The following AK7 variants were observed in gnomAD, a reference collection of about 807,000 sequenced individuals.
The protein encoded by AK7 is ATP-AMP transphosphorylase 7.
In AK7, 78 loss-of-function variants were observed where a neutral mutation model predicts 96.6. That is an observed-to-expected ratio of 0.81 (90% CI 0.67 to 0.97). The LOEUF is 0.97. AK7 is among the 50% of genes least tolerant of loss of function. The pLI is 0.00. For synonymous variants in AK7, 302 were observed against 317.2 expected (o/e 0.95, Z 0.51); for missense variants, 855 against 887.9 (o/e 0.96, Z 0.47).
chr14:96,402,471 A>G (rs1162742559), intron 2 of AK7, among the ~76,000 whole-genome samples: 2 of 152,134 alleles, frequency 1.3e-5, no homozygotes, highest in East Asian at 3.9e-4. Flanking sequence ...GGAAACATAG[A>G]TGCTGTATCT....
At position 96,399,891 on chromosome 14, in the gene AK7, C is replaced by T. The variant is rs148700847; in HGVS notation, c.294+1628C>T. On this transcript the variant is annotated intron_variant, in intron 2 of 17. Transcript: ENST00000267584. This position sits in a 1 kb window ranked among gnomAD's most constrained non-coding sequence, Gnocchi z 4.1. Reference sequence around the variant, plus strand: ...TATCCAACCCTATAGCTTCAGCTCCCCATATAGCCAGTGCTTTTTTTGCCT... The same window carrying T: ...TATCCAACCCTATAGCTTCAGCTCCTCATATAGCCAGTGCTTTTTTTGCCT... Among the ~76,000 whole-genome samples, 544 of 152,218 alleles carry T rather than the reference C, an allele frequency of 3.6e-3. 4 individuals carry two copies. Among genetic ancestry groups the T allele is most frequent in the African/African-American group, 0.012 (515 of 41,518 alleles).
chr14:96,478,222 AG>A (rs1566811450), intron 14 of AK7, among the ~76,000 whole-genome samples: 1 of 132,900 alleles, frequency 7.5e-6, no homozygotes, highest in Admixed American at 8.0e-5. Context: ...GAAGAGAGGG[AG>A]GGGGGAAGAA....
At chr14:96,472,292 G>A (rs1894939671) in intron 13 of AK7, among the ~76,000 whole-genome samples, 1 of 152,172 alleles carries the variant, frequency 6.6e-6, no homozygotes, top group African/African-American at 2.4e-5. Context: ...CTCCCGAGTA[G>A]CTGGGACTAC....
Position 96,478,788 on chromosome 14 carries a change from G to T in AK7, c.1753+126G>T. 2 of 904,002 alleles carry T rather than the reference G, an allele frequency of 2.2e-6. 1 individual carries two copies. The highest frequency in any genetic ancestry group is 3.2e-5 in the South Asian group (2 of 61,950). The allele number at this position is 904,002 out of a possible 1,614,324, so 56.0% of individuals were successfully genotyped here. On this transcript the variant is annotated intron_variant, in intron 15 of 17. Transcript: ENST00000267584. The stretch of plus-strand genomic sequence containing the variant: ...GTAATCATGGGTTGGGGCACAGGAA[G>T]CCATGAAATACACAGGGCACTCCTC...
intron 5 of AK7, chr14:96,421,607 C>CT (rs79982057): frequency 0.018 from 2,456 of 139,898 alleles, 66 homozygotes; most frequent in African/African-American, 0.047. Flanking sequence ...ATTCTCGTAG[C>CT]TTTTTTTTTT....
At chr14:96,415,827 A>G (rs1362128475) in intron 4 of AK7, among the ~76,000 whole-genome samples, 1 of 151,152 alleles carries the variant, frequency 6.6e-6, no homozygotes, top group Non-Finnish European at 1.5e-5. Flanking sequence ...TAATTAAATA[A>G]TTAAGGTATC....
chr14:96,461,865 C>A (rs1041218426), intron 12 of AK7, among the ~76,000 whole-genome samples: 2 of 152,160 alleles, frequency 1.3e-5, no homozygotes, highest in Non-Finnish European at 2.9e-5. Flanking sequence ...GGACTACAGG[C>A]GTGAGCCACT....
chr14:96,418,506 C>T (rs796459822), intron 4 of AK7, among the ~76,000 whole-genome samples: 4 of 148,964 alleles, frequency 2.7e-5, no homozygotes, highest in South Asian at 2.2e-4. Flanking sequence ...CTCAGTAGGG[C>T]TTTTTGTTTT....
chr14:96,469,457 A>G (rs11625465), intron 12 of AK7, among the ~76,000 whole-genome samples: 24,876 of 152,134 alleles, frequency 0.16, 2,739 homozygotes, highest in East Asian at 0.49. Flanking sequence ...CCCAGGAGAC[A>G]GAGGTTGCAG....
chr14:96,427,583 A>G (rs977192019), intron 5 of AK7, among the ~76,000 whole-genome samples: 1 of 152,224 alleles, frequency 6.6e-6, no homozygotes, highest in Non-Finnish European at 1.5e-5. Flanking sequence ...ACACAGACCC[A>G]AGCCATATCA....
intron 12 of AK7, among the ~76,000 whole-genome samples, chr14:96,464,473 C>T (rs1894444994): frequency 7.3e-6 from 1 of 136,360 alleles, no homozygotes; most frequent in African/African-American, 2.7e-5. Context: ...GGCTTGAGCC[C>T]TTGAGTCCGG....
chr14:96,442,559 A>C (rs1342560542), intron 6 of AK7, among the ~76,000 whole-genome samples, 171 bp from the exon 7 acceptor site: 1 of 152,138 alleles, frequency 6.6e-6, no homozygotes, highest in Non-Finnish European at 1.5e-5. Context: ...TTCTCTTGGC[A>C]GAATTTGATC....
intron 9 of AK7, 34 bp downstream of exon 9, chr14:96,449,913 A>G: frequency 1.6e-6 from 2 of 1,266,618 alleles, no homozygotes; most frequent in Non-Finnish European, 1.1e-6. Flanking sequence ...TTTTTTAACT[A>G]TCTTTCTCAA....
At position 96,399,574 on chromosome 14, in the gene AK7, G is replaced by A. The variant is rs560005843; in HGVS notation, c.294+1311G>A. Among the ~76,000 whole-genome samples the A allele has an allele frequency of 6.6e-6, 1 of 152,254 alleles. No individual in the cohort carries two copies. Among genetic ancestry groups the A allele is most frequent in the African/African-American group, 2.4e-5 (1 of 41,538 alleles). ...ACCCCTTCACCCCCGCCATTCACTG[G>A]TCTATCCAATGCTGGCTGGCCCTGC... On this transcript the variant is annotated intron_variant, in intron 2 of 17. Coordinates refer to ENST00000267584, the MANE Select transcript of AK7 (RefSeq NM_152327.5). The surrounding 1 kb of genome is among the most constrained non-coding windows in gnomAD (Gnocchi z 4.1).
intron 6 of AK7, among the ~76,000 whole-genome samples, chr14:96,442,228 A>T (rs1892997406): frequency 6.6e-6 from 1 of 152,204 alleles, no homozygotes. Context: ...ATCCTCCTGC[A>T]TGCTACTTAT....
At chr14:96,418,026 A>G (rs1371314254) in intron 4 of AK7, among the ~76,000 whole-genome samples, 2 of 152,128 alleles carry the variant, frequency 1.3e-5, no homozygotes, top group Non-Finnish European at 2.9e-5. Context: ...GTCCTGCTTT[A>G]AAAGTGAAAA....
chr14:96,456,499 G>T, intron 11 of AK7, 24 bp downstream of exon 11: 1 of 1,608,204 alleles, frequency 6.2e-7, no homozygotes, highest in Non-Finnish European at 8.5e-7. Flanking sequence ...CTATTTTCCT[G>T]GGCATTTTAA....
At chr14:96,416,951 C>T (rs1398405557) in intron 4 of AK7, among the ~76,000 whole-genome samples, 6 of 152,210 alleles carry the variant, frequency 3.9e-5, no homozygotes, top group African/African-American at 1.4e-4. Flanking sequence ...CAGTCACTTT[C>T]TCAAAATGTC....
intron 9 of AK7, among the ~76,000 whole-genome samples, 179 bp downstream of exon 9, chr14:96,450,058 C>T (rs1366794056): frequency 6.6e-6 from 1 of 152,056 alleles, no homozygotes; most frequent in East Asian, 1.9e-4. Flanking sequence ...AGATATTCTA[C>T]CCTAAGACAA....
Sources: gnomAD v4.1 joint callset for allele counts (sites outside exome capture counted in the v4.1 genomes callset) on GRCh38, gnomAD v4.1.1 for gene constraint, Gnocchi (gnomAD v3.1) non-coding constraint, MANE v1.5 for transcripts, NCBI Gene and HGNC (gene_info 2026-07-23, HGNC 2026-07-21) for gene names.